The following TERB1 variants were observed in gnomAD, a reference collection of about 807,000 sequenced individuals.
The protein encoded by TERB1 is telomere repeat binding bouquet formation protein 1, also known as telomere repeats-binding bouquet formation protein 1.
Under a neutral mutation model 92.3 loss-of-function variants are expected in TERB1, and 63 were observed. The ratio of observed to expected loss-of-function variants is 0.68; its 90% CI spans 0.56 to 0.84. The LOEUF (loss-of-function observed/expected upper bound fraction) is 0.84, where lower values mean the gene tolerates loss of function less well. Among genes scored for constraint, TERB1 ranks in the 40% least tolerant of loss-of-function variants. TERB1 has a pLI of 0.00. For missense variants in TERB1, 709 were observed against 843.7 expected, an observed-to-expected ratio of 0.84 and a Z score of 1.98; for synonymous variants, 252 against 283.9, an observed-to-expected ratio of 0.89 and a Z score of 1.13.
chr16:66,760,623 TA>T (rs2018224252), intron 16 of TERB1, among the ~76,000 whole-genome samples: 1 of 130,820 alleles, frequency 7.6e-6, no homozygotes, highest in Admixed American at 7.9e-5. Context: ...CCATCTCTAC[TA>T]AAAATACAAA....
intron 2 of TERB1, chr16:66,800,026 TA>T (rs1412927653): frequency 6.6e-6 from 1 of 152,190 alleles, no homozygotes; most frequent in Non-Finnish European, 1.5e-5. Context: ...GCAAGAAAAG[TA>T]GCTGAATATT....
chr16:66,781,824 T>A (rs561243663), intron 9 of TERB1, among the ~76,000 whole-genome samples: 1 of 152,256 alleles, frequency 6.6e-6, no homozygotes, highest in Admixed American at 6.5e-5. Context: ...TGGGCCCAAA[T>A]TCTTAATCAG....
Position 66,755,032 on chromosome 16 carries a change from C to T in TERB1, c.2128G>A (p.Asp710Asn), listed in dbSNP as rs759110943. The part of the protein sequence containing the change: ...FPFQQGRKAV[D>N]LAHKYHKLTK... ...AGCTTGTGGTATTTGTGAGCAAGGT[C>T]CACAGCCTTCCGTCCTTGCTGAAAG... Residue 710 changes from aspartate to asparagine, a missense_variant, in exon 19 of 19, where the codon GAC becomes AAC. Coordinates refer to ENST00000433154, the MANE Select transcript of TERB1 (RefSeq NM_001136505.2). 11 of 1,551,538 alleles carry T rather than the reference C, an allele frequency of 7.1e-6. No individual in the cohort carries two copies. Among genetic ancestry groups the T allele is most frequent in the Admixed American group, 3.9e-5 (2 of 50,976 alleles).
chr16:66,795,750 A>G (rs546718339), intron 3 of TERB1, among the ~76,000 whole-genome samples: 17 of 152,182 alleles, frequency 1.1e-4, no homozygotes, highest in African/African-American at 4.1e-4. Context: ...ACTGCCATAT[A>G]TCTTACTATT....
At chr16:66,757,325 A>G (rs2018154250) in intron 18 of TERB1, among the ~76,000 whole-genome samples, 2 of 152,212 alleles carry the variant, frequency 1.3e-5, no homozygotes, top group South Asian at 4.1e-4. Flanking sequence ...TATTATGCAC[A>G]TTTCATGAAG....
At chr16:66,777,676 G>T (rs2018570833) in intron 10 of TERB1, among the ~76,000 whole-genome samples, 1 of 152,138 alleles carries the variant, frequency 6.6e-6, no homozygotes, top group Non-Finnish European at 1.5e-5. Context: ...AGCTGAGTAT[G>T]CTTACTCTCC....
At chr16:66,760,521 C>T (rs1243703774) in intron 16 of TERB1, among the ~76,000 whole-genome samples, 2 of 107,550 alleles carry the variant, frequency 1.9e-5, no homozygotes, top group African/African-American at 4.0e-5. Flanking sequence ...GGTGCAATGG[C>T]TCATGCCTGT....
chr16:66,756,044 A>C (rs2018132455), intron 18 of TERB1, among the ~76,000 whole-genome samples: 1 of 152,242 alleles, frequency 6.6e-6, no homozygotes, highest in African/African-American at 2.4e-5. Flanking sequence ...TAAAGAAAGA[A>C]TATACAGCTG....
At chr16:66,780,254 T>G (rs1483435686) in intron 9 of TERB1, among the ~76,000 whole-genome samples, 2 of 152,178 alleles carry the variant, frequency 1.3e-5, no homozygotes, top group East Asian at 3.8e-4. Context: ...TTTTCATTTT[T>G]TAAAAATCTT....
Position 66,796,761 on chromosome 16 carries a change from T to C in TERB1, c.31+7A>G. ...CATTGCAGATATATGATCCATCAAT[T>C]TCTCACCTTGTGTTTTCTTTGTGTC... On this transcript the variant is annotated splice_region_variant and intron_variant, in intron 3 of 18. Coordinates refer to ENST00000433154, the MANE Select transcript of TERB1 (RefSeq NM_001136505.2). The C allele has an allele frequency of 6.5e-7, 1 of 1,534,006 alleles. No homozygotes were observed. Among genetic ancestry groups the C allele is most frequent in the Non-Finnish European group, 8.8e-7 (1 of 1,131,210 alleles).
rs949255127 is a variant in TERB1 at position 66,777,282 on chromosome 16, T to C, written c.906A>G (p.Ala302=). The change falls in exon 11 of 19, where the codon GCA becomes GCG. Residue 302 remains alanine, a synonymous_variant. Transcript: ENST00000433154. ...SKYHIVSKLL[A]LLLHESLDSG... is the part of the protein sequence containing the mutation. Reference sequence around the variant, plus strand: ...AATCCAGACTTTCATGAAGCAGTAATGCCAGAAGTTTAGAAACAATGTGGT... The same window carrying C: ...AATCCAGACTTTCATGAAGCAGTAACGCCAGAAGTTTAGAAACAATGTGGT... 53 of 1,550,136 alleles carry C rather than the reference T, an allele frequency of 3.4e-5. No individual in the cohort carries two copies. In the Middle Eastern group the frequency reaches 6.7e-4, roughly 20 times the overall value.
chr16:66,754,700 C>A lies in TERB1; in HGVS notation c.*276G>T. ...AACATTTAAAGGCTAATTCTTTTCT[C>A]TGTGTCCTTTAAGCTTAAGGAAAAA... On this transcript the variant is annotated 3_prime_UTR_variant, in exon 19 of 19. Transcript: ENST00000433154. 1 of 359,866 alleles carries A rather than the reference C, an allele frequency of 2.8e-6. No homozygotes were observed. Among genetic ancestry groups the A allele is most frequent in the East Asian group, 5.1e-5 (1 of 19,436 alleles). The allele number at this position is 359,866 out of a possible 1,614,324, so 22.3% of individuals were successfully genotyped here.
chr16:66,755,602 C>T (rs530159048), intron 18 of TERB1, among the ~76,000 whole-genome samples: 1 of 152,078 alleles, frequency 6.6e-6, no homozygotes, highest in East Asian at 1.9e-4. Context: ...TGGCAATAAT[C>T]TCTCTCCACC....
intron 13 of TERB1, 27 bp downstream of exon 13, chr16:66,772,562 T>G (rs1325968761): frequency 6.6e-7 from 1 of 1,521,722 alleles, no homozygotes; most frequent in Admixed American, 2.3e-5. Context: ...AAAAAAGTTC[T>G]ATATTCTTTA....
Position 66,785,842 on chromosome 16 carries a change from G to A in TERB1, c.644C>T (p.Thr215Ile). The A allele has an allele frequency of 6.5e-7, 1 of 1,549,498 alleles. No individual in the cohort carries two copies. Among genetic ancestry groups the A allele is most frequent in the Non-Finnish European group, 8.7e-7 (1 of 1,146,032 alleles). The part of the protein sequence containing the change: ...HANEWLKNCT[T>I]PEIIRPICSF... ...GCAAATAGGGCGAATTATCTCAGGT[G>A]TCGTGCAATTTTTTAGCCATTCATT... The change falls in exon 9 of 19, where the codon ACA becomes ATA. Residue 215 changes from threonine (T) to isoleucine (I), a missense_variant. By Grantham distance (89) the Thr-to-Ile change is moderately conservative. Transcript: ENST00000433154.
chr16:66,768,388 G>A (rs1281621207), intron 14 of TERB1, among the ~76,000 whole-genome samples: 1 of 152,152 alleles, frequency 6.6e-6, no homozygotes, highest in African/African-American at 2.4e-5. Flanking sequence ...GAGGGCAATA[G>A]TATTGATGCC....
At chr16:66,791,365 GGAT>G (rs1419268533) in intron 3 of TERB1, among the ~76,000 whole-genome samples, 1 of 151,894 alleles carries the variant, frequency 6.6e-6, no homozygotes, top group African/African-American at 2.4e-5. Context: ...AGAATTTGTG[GGAT>G]GCTACAAAAA....
At chr16:66,767,788 C>A (rs1345685381) in intron 15 of TERB1, among the ~76,000 whole-genome samples, 1 of 151,796 alleles carries the variant, frequency 6.6e-6, no homozygotes, top group Admixed American at 6.6e-5. Context: ...AGTGCAGTGG[C>A]ATGATCTCGG....
intron 9 of TERB1, among the ~76,000 whole-genome samples, chr16:66,781,731 A>T (rs2018642008): frequency 6.6e-6 from 1 of 152,062 alleles, no homozygotes; most frequent in Admixed American, 6.6e-5. Flanking sequence ...CGTGTTAGCC[A>T]GGATAGTCTC....
Sources: gnomAD v4.1 joint callset for allele counts (sites outside exome capture counted in the v4.1 genomes callset) on GRCh38, gnomAD v4.1.1 for gene constraint, MANE v1.5 for transcripts, NCBI Gene and HGNC (gene_info 2026-07-23, HGNC 2026-07-21) for gene names.